Variants in RRP12 observed in about 807,000 individuals in gnomAD.
The protein encoded by RRP12 is ribosomal RNA processing 12 homolog.
Under a neutral mutation model 157.3 loss-of-function variants are expected in RRP12, and 78 were observed. The ratio of observed to expected loss-of-function variants is 0.50; its 90% CI spans 0.41 to 0.60. The LOEUF (loss-of-function observed/expected upper bound fraction) is 0.60. Among genes scored for constraint, RRP12 ranks in the 20% least tolerant of loss-of-function variants. The pLI is 0.00. For synonymous variants in RRP12, 726 were observed against 670.9 expected, an observed-to-expected ratio of 1.08 and a Z score of -1.27; for missense variants, 1,521 against 1,679.9, an observed-to-expected ratio of 0.91 and a Z score of 1.65.
At chr10:97,391,887 T>A (rs1226125122) in intron 4 of RRP12, among the ~76,000 whole-genome samples, 1 of 151,898 alleles carries the variant, frequency 6.6e-6, no homozygotes, top group Non-Finnish European at 1.5e-5. Flanking sequence ...GCCACTGCAC[T>A]CCAGCCTGGG....
rs1432900959 is a variant in RRP12 at position 97,401,203 on chromosome 10, C to A, written c.29G>T (p.Gly10Val). The change falls in exon 1 of 34, where the codon GGT (glycine) becomes GTT (valine). Residue 10 changes from glycine to valine, a missense_variant. Gly to Val is a moderately radical substitution (Grantham distance 109). Transcript: ENST00000370992. ...CCAGCGCTTCAACTTAGCTGAGACACCAGAAGGCAACTTTCCCGAGCGACC... is the reference window on the plus strand; with the variant it reads ...CCAGCGCTTCAACTTAGCTGAGACAACAGAAGGCAACTTTCCCGAGCGACC... MGRSGKLPS[G>V]VSAKLKRWKK... 2 of 1,614,040 alleles carry A rather than the reference C, an allele frequency of 1.2e-6. No individual in the cohort carries two copies. Among genetic ancestry groups the A allele is most frequent in the African/African-American group, 2.7e-5 (2 of 74,924 alleles).
rs986061831 is a variant in RRP12, at chr10:97,372,111, T to C, written c.2305A>G (p.Ile769Val). ...ALAPCADEAA[I>V]SKLYSTIRPY... ...CGGATGGTGGAGTATAGCTTACTGA[T>C]GGCAGCTTCGTCAGCACACGGAGCC... Residue 769 changes from isoleucine (I) to valine (V), a missense_variant, in exon 20 of 34, where the codon ATC becomes GTC. Transcript: ENST00000370992. 1.2e-6 allele frequency: 2 copies of C among 1,613,584 alleles called. No homozygotes were observed. The highest frequency in any genetic ancestry group is 2.7e-5 in the African/African-American group (2 of 74,922).
chr10:97,376,706 C>T (rs1008883826), intron 15 of RRP12, among the ~76,000 whole-genome samples: 1 of 151,990 alleles, frequency 6.6e-6, no homozygotes, highest in Admixed American at 6.5e-5. Flanking sequence ...GATGCCAGAG[C>T]ACCCATCCCC....
At position 97,388,600 on chromosome 10, in the gene RRP12, C is replaced by G; in HGVS notation, c.778G>C (p.Val260Leu). 6.2e-7 allele frequency: 1 copy of G among 1,614,228 alleles called. No individual in the cohort carries two copies. Among genetic ancestry groups the G allele is most frequent in the African/African-American group, 1.3e-5 (1 of 75,058 alleles). The change falls in exon 7 of 34, where the codon GTA becomes CTA. Residue 260 changes from valine to leucine, a missense_variant. Transcript: ENST00000370992. ...TCACTGCCCTTGAGGACTGAGCATA[C>G]TCCATGCTGGGCAGCCTTCCGGATC... Reference protein sequence around the residue: ...PKIRKAAQHGVCSVLKGSEFM... With the variant: ...PKIRKAAQHGLCSVLKGSEFM...
chr10:97,385,293 G>C, intron 9 of RRP12, 36 bp from the exon 10 acceptor site: 1 of 1,520,114 alleles, frequency 6.6e-7, no homozygotes, highest in Admixed American at 1.7e-5. Context: ...TGAGCATGCA[G>C]GGTCTGCAAT....
At chr10:97,368,380 CAG>C (rs1589416081) in intron 25 of RRP12, among the ~76,000 whole-genome samples, 1 of 151,298 alleles carries the variant, frequency 6.6e-6, no homozygotes, top group East Asian at 2.0e-4. Context: ...TTTTTTGAGA[CAG>C]AGTCTTGCTC....
chr10:97,365,864 G>GT, intron 29 of RRP12: 1 of 530,692 alleles, frequency 1.9e-6, no homozygotes, highest in South Asian at 2.2e-5. Flanking sequence ...ATCACACACA[G>GT]TAAGGGGAAG....
At chr10:97,372,626 T>C (rs1223127908) in intron 19 of RRP12, 110 bp downstream of exon 19, 1 of 902,834 alleles carries the variant, frequency 1.1e-6, no homozygotes, top group Non-Finnish European at 1.8e-6. Flanking sequence ...GAGTTAATAC[T>C]TCAAGGCTTC....
At chr10:97,374,382 G>A (rs978401283) in intron 15 of RRP12, among the ~76,000 whole-genome samples, 4 of 152,042 alleles carry the variant, frequency 2.6e-5, no homozygotes, top group African/African-American at 4.8e-5. Context: ...GACTGGTCTC[G>A]AATTCCTAAG....
intron 4 of RRP12, among the ~76,000 whole-genome samples, chr10:97,391,423 T>C (rs1184748700): frequency 4.0e-5 from 6 of 151,828 alleles, no homozygotes; most frequent in Non-Finnish European, 7.4e-5. Context: ...AATACAAAAT[T>C]AGCTGGGCGT....
At chr10:97,388,081 G>C (rs1844688410) in intron 8 of RRP12, 171 bp downstream of exon 8, 2 of 751,134 alleles carry the variant, frequency 2.7e-6, no homozygotes, top group East Asian at 5.5e-5. Flanking sequence ...AGGGGACTCT[G>C]ATATGGCCTG....
chr10:97,387,760 G>T (rs986849300), intron 8 of RRP12, among the ~76,000 whole-genome samples: 2 of 151,826 alleles, frequency 1.3e-5, no homozygotes, highest in Admixed American at 1.3e-4. Flanking sequence ...GATCAACATG[G>T]AGAAACCCCA....
intron 26 of RRP12, 35 bp from the exon 27 acceptor site, chr10:97,366,944 T>C (rs1358158391): frequency 3.7e-6 from 6 of 1,609,826 alleles, no homozygotes; most frequent in South Asian, 1.1e-5. Context: ...TGAGAGGCAC[T>C]GGCCAGACAG....
At chr10:97,372,825 GGAGAA>G in intron 18 of RRP12, 22 bp from the exon 19 acceptor site, 2 of 1,554,156 alleles carry the variant, frequency 1.3e-6, no homozygotes, top group Non-Finnish European at 1.7e-6. Context: ...GAGGGAATGA[GGAGAA>G]GAGAGTCATT....
At chr10:97,365,814 G>A (rs1843959587) in intron 29 of RRP12, 2 of 323,288 alleles carry the variant, frequency 6.2e-6, no homozygotes, top group South Asian at 4.1e-5. Context: ...AGGAAGAGGA[G>A]GGGGAGGAGG....
At chr10:97,396,171 C>G in intron 3 of RRP12, 47 bp downstream of exon 3, 2 of 1,362,104 alleles carry the variant, frequency 1.5e-6, no homozygotes, top group South Asian at 2.3e-5. Context: ...CTAAATCTTG[C>G]ATAACCTGCT....
chr10:97,380,595 G>T (rs954815199), intron 13 of RRP12, among the ~76,000 whole-genome samples: 4 of 152,180 alleles, frequency 2.6e-5, no homozygotes, highest in Non-Finnish European at 4.4e-5. Flanking sequence ...GTGAGCAGGT[G>T]GGGGGACTGC....
rs1165674585 is a variant in RRP12 at position 97,374,414 on chromosome 10, G to A, written c.1799-520C>T. ...TAAGTTTGAGCGATCCATGTGCCTCGGCCTCCCAAAGTGCTGGGATTACAG... is the reference window on the plus strand; with the variant it reads ...TAAGTTTGAGCGATCCATGTGCCTCAGCCTCCCAAAGTGCTGGGATTACAG... On this transcript the variant is annotated intron_variant, in intron 15 of 33. Transcript: ENST00000370992. Among the ~76,000 whole-genome samples, 6 of 152,026 alleles carry A rather than the reference G, an allele frequency of 3.9e-5. No homozygotes were observed. The East Asian group carries it at 9.9e-4, about 25-fold the overall frequency.
At chr10:97,376,216 T>TTC (rs919913120) in intron 15 of RRP12, among the ~76,000 whole-genome samples, 3 of 138,460 alleles carry the variant, frequency 2.2e-5, no homozygotes, top group African/African-American at 8.1e-5. Flanking sequence ...TACTTTCTTT[T>TTC]TTTTTTTTTT....
Sources: gnomAD v4.1 joint callset for allele counts (sites outside exome capture counted in the v4.1 genomes callset) on GRCh38, gnomAD v4.1.1 for gene constraint, MANE v1.5 for transcripts, NCBI Gene and HGNC (gene_info 2026-07-23, HGNC 2026-07-21) for gene names.